SLC2A1: variants seen among roughly 807,000 people sequenced by gnomAD.
SLC2A1 encodes solute carrier family 2, facilitated glucose transporter member 1.
In SLC2A1, 4 loss-of-function variants were observed where a neutral mutation model predicts 46.6. The ratio of observed to expected loss-of-function variants is 0.09; its 90% CI spans 0.04 to 0.20. The LOEUF (loss-of-function observed/expected upper bound fraction) is 0.20. SLC2A1 is among the 10% of genes least tolerant of loss of function. The pLI is 1.00. For missense variants in SLC2A1, 352 were observed against 667.0 expected, an observed-to-expected ratio of 0.53 and a Z score of 5.20; for synonymous variants, 253 against 270.0, an observed-to-expected ratio of 0.94 and a Z score of 0.62.
In SLC2A1 at chr1:42,930,558, C is replaced by T. The variant is rs777256797; in HGVS notation, c.516+68G>A. 9 of 1,600,848 alleles carry T rather than the reference C, an allele frequency of 5.6e-6. No homozygotes were observed. The African/African-American group carries it at 8.0e-5, about 14-fold the overall frequency. ...AAGAGAAACTCTGCCCTGCTGGGCA[C>T]AGATCCGAGAGCCACTGAAGCTGTG... On this transcript the variant is annotated intron_variant, in intron 4 of 9. Transcript: ENST00000426263. The surrounding 1 kb of genome is among the most constrained non-coding windows in gnomAD (Gnocchi z 6.2).
rs762812051 is a variant in SLC2A1 at position 42,930,515 on chromosome 1, G to T, written c.516+111C>A. 7 of 1,444,896 alleles carry T rather than the reference G, an allele frequency of 4.8e-6. No homozygotes were observed. The African/African-American group carries it at 8.4e-5, about 17-fold the overall frequency. 89.5% of individuals were successfully genotyped at this position (1,444,896 alleles called of 1,614,324 possible). ...GTGTACCATAGTTGTCCTCTGCAAG[G>T]CTGTGGGGGCTGGGCGGAAGAGAAA... On this transcript the variant is annotated intron_variant, in intron 4 of 9. Transcript: ENST00000426263. The surrounding 1 kb of genome is among the most constrained non-coding windows in gnomAD (Gnocchi z 6.2).
At position 42,951,568 on chromosome 1, in the gene SLC2A1, G is replaced by A. The variant is rs148466253; in HGVS notation, c.18+7066C>T. ...TATTTATAGGCATGTATCTACACAT[G>A]CACAAAGAGAAGTCTTTAGGGTAAA... On this transcript the variant is annotated intron_variant, in intron 1 of 9. Coordinates refer to ENST00000426263, the MANE Select transcript of SLC2A1 (RefSeq NM_006516.4). 226 of 334,730 alleles carry A rather than the reference G, an allele frequency of 6.8e-4. 6 individuals carry two copies. The East Asian group carries it at 0.01, about 15-fold the overall frequency. 20.7% of individuals were successfully genotyped at this position (334,730 alleles called of 1,614,324 possible).
intron 2 of SLC2A1, among the ~76,000 whole-genome samples, chr1:42,931,614 T>C (rs115024349): frequency 0.013 from 1,941 of 151,632 alleles, 52 homozygotes; most frequent in African/African-American, 0.045. Flanking sequence ...TCACTGGAGA[T>C]CAGGAGTTCG....
chr1:42,954,220 A>G lies in SLC2A1; in HGVS notation c.18+4414T>C, dbSNP rs1643751495. Among the ~76,000 whole-genome samples, 1 of 39,396 alleles carries G rather than the reference A, an allele frequency of 2.5e-5. No homozygotes were observed. The highest frequency in any genetic ancestry group is 2.9e-4 in the African/African-American group (1 of 3,450). The allele number at this position is 39,396 out of a possible 152,430, so 25.8% of individuals were successfully genotyped here. On this transcript the variant is annotated intron_variant, in intron 1 of 9. Transcript: ENST00000426263. The surrounding 1 kb of genome is among the most constrained non-coding windows in gnomAD (Gnocchi z 4.2). The stretch of plus-strand genomic sequence containing the variant: ...GCATGTGGAGAAGAAAGCATCTTTA[A>G]AAAAAAAACACAGCTAGGCCAGGCG...
intron 1 of SLC2A1, chr1:42,951,598 A>T: frequency 5.4e-6 from 2 of 372,932 alleles, no homozygotes; most frequent in African/African-American, 2.1e-5. Flanking sequence ...GGTAAACACC[A>T]AACTGTCAAA....
In SLC2A1 at chr1:42,926,934, C is replaced by T. The variant is rs1643432524; in HGVS notation, c.*107G>A. 9.1e-6 allele frequency: 14 copies of T among 1,540,956 alleles called. No homozygotes were observed. The highest frequency in any genetic ancestry group is 2.3e-5 in the East Asian group (1 of 44,210). On this transcript the variant is annotated 3_prime_UTR_variant, in exon 10 of 10. Coordinates refer to ENST00000426263, the MANE Select transcript of SLC2A1 (RefSeq NM_006516.4). ...TGGCTGGAGAAAGGAGCCCCAGGCC[C>T]GGCTCGGCTGACATCTGTCAGGTTT...
chr1:42,958,207 G>C (rs1244455894), intron 1 of SLC2A1, among the ~76,000 whole-genome samples: 1 of 151,652 alleles, frequency 6.6e-6, no homozygotes, highest in Non-Finnish European at 1.5e-5. Flanking sequence ...GCCGGGCCGG[G>C]GGCTCGGCCC....
At chr1:42,946,709 C>T (rs148842200) in intron 1 of SLC2A1, among the ~76,000 whole-genome samples, 2,349 of 152,254 alleles carry the variant, frequency 0.015, 33 homozygotes, top group South Asian at 0.031. Flanking sequence ...TAAGAAACAG[C>T]GTGCTCAGTG....
At position 42,931,192 on chromosome 1, in the gene SLC2A1, G is replaced by A. The variant is rs2124450930; in HGVS notation, c.129C>T (p.Phe43=). 6.2e-7 allele frequency: 1 copy of A among 1,613,960 alleles called. No individual in the cohort carries two copies. The change falls in exon 3 of 10, where the codon TTC becomes TTT. Residue 43 remains phenylalanine (F), a synonymous_variant. Transcript: ENST00000426263. The part of the protein sequence containing the change: ...INAPQKVIEE[F]YNQTWVHRYG... Reference sequence around the variant, plus strand: ...AGCGGTGGACCCATGTCTGGTTGTAGAACTCCTCGATCACCTGCAGGGGGA... The same window carrying A: ...AGCGGTGGACCCATGTCTGGTTGTAAAACTCCTCGATCACCTGCAGGGGGA...
intron 1 of SLC2A1, among the ~76,000 whole-genome samples, chr1:42,946,743 G>GA (rs1643660604): frequency 6.6e-6 from 1 of 152,092 alleles, no homozygotes. Context: ...GGTGTAGGGG[G>GA]AGGGACATGG....
rs376446400 is a variant in SLC2A1 at position 42,930,995 on chromosome 1, G to A, written c.275+51C>T. The stretch of plus-strand genomic sequence containing the variant: ...TCCCACCCCATCTGGGACTCCCTGG[G>A]CAGGAGGGCATGGGCCCTCCAAGGG... On this transcript the variant is annotated intron_variant, in intron 3 of 9. Coordinates refer to ENST00000426263, the MANE Select transcript of SLC2A1 (RefSeq NM_006516.4). The surrounding 1 kb of genome is among the most constrained non-coding windows in gnomAD (Gnocchi z 6.2). The A allele has an allele frequency of 3.0e-5, 49 of 1,610,608 alleles. No homozygotes were observed. The African/African-American group carries it at 6.4e-4, about 21-fold the overall frequency.
At chr1:42,938,227 T>C (rs1475935978) in intron 2 of SLC2A1, among the ~76,000 whole-genome samples, 1 of 75,552 alleles carries the variant, frequency 1.3e-5, no homozygotes, top group African/African-American at 5.8e-5. Context: ...GGCTCACCTC[T>C]TCTGCTCTGT....
intron 1 of SLC2A1, among the ~76,000 whole-genome samples, chr1:42,958,392 C>T (rs1382079003): frequency 6.6e-6 from 1 of 150,756 alleles, no homozygotes; most frequent in East Asian, 1.9e-4. Context: ...GTGCTCAGTG[C>T]CGGCGCCAAC....
At chr1:42,950,384 CAGCATTCTCA>C (rs1481213477) in intron 1 of SLC2A1, among the ~76,000 whole-genome samples, 2 of 152,194 alleles carry the variant, frequency 1.3e-5, no homozygotes, top group African/African-American at 2.4e-5. Context: ...GCTAGCTGCC[CAGCATTCTCA>C]AAGCCTTCCA....
In SLC2A1 at chr1:42,954,103, G is replaced by A. The variant is rs1036500790; in HGVS notation, c.18+4531C>T. Among the ~76,000 whole-genome samples the A allele has an allele frequency of 7.9e-5, 12 of 152,216 alleles. No individual in the cohort carries two copies. The highest frequency in any genetic ancestry group is 2.6e-4 in the Admixed American group (4 of 15,288). ...AGTAGAGTTTCAGTTGTCAAGTTAC[G>A]TCTAATCCAACTTTCAGGCTCCTAT... On this transcript the variant is annotated intron_variant, in intron 1 of 9. Transcript: ENST00000426263. This position sits in a 1 kb window ranked among gnomAD's most constrained non-coding sequence, Gnocchi z 4.2.
intron 2 of SLC2A1, among the ~76,000 whole-genome samples, chr1:42,941,663 A>T (rs1372104290): frequency 6.6e-6 from 1 of 152,208 alleles, no homozygotes; most frequent in Non-Finnish European, 1.5e-5. Context: ...AGACCAATTA[A>T]ATCAGAATCT....
Position 42,926,593 on chromosome 1 carries a change from C to G in SLC2A1, c.*448G>C. The G allele has an allele frequency of 2.4e-6, 2 of 824,734 alleles. No homozygotes were observed. The highest frequency in any genetic ancestry group is 3.4e-6 in the Non-Finnish European group (2 of 594,430). The allele number at this position is 824,734 out of a possible 1,614,324, so 51.1% of individuals were successfully genotyped here. A position where few individuals can be genotyped will look rare whatever the true frequency, so the allele number is the denominator to read the frequency against. ...GGCCAGCAGAACGGGTGGCCATAGC[C>G]ACCTCCTGGGATAGAAGCTTTGTAG... On this transcript the variant is annotated 3_prime_UTR_variant, in exon 10 of 10. Coordinates refer to ENST00000426263, the MANE Select transcript of SLC2A1 (RefSeq NM_006516.4).
chr1:42,948,478 C>T (rs1455919099), intron 1 of SLC2A1, among the ~76,000 whole-genome samples: 1 of 152,180 alleles, frequency 6.6e-6, no homozygotes, highest in Non-Finnish European at 1.5e-5. Context: ...ACATGGGTTC[C>T]CCAGGTGCAG....
intron 1 of SLC2A1, among the ~76,000 whole-genome samples, chr1:42,946,831 C>T (rs564049964): frequency 2.6e-5 from 4 of 152,312 alleles, no homozygotes; most frequent in Admixed American, 6.5e-5. Flanking sequence ...CCACTATAGC[C>T]GGCTTGATCA....
Sources: gnomAD v4.1 joint callset for allele counts (sites outside exome capture counted in the v4.1 genomes callset) on GRCh38, gnomAD v4.1.1 for gene constraint, Gnocchi (gnomAD v3.1) non-coding constraint, MANE v1.5 for transcripts, NCBI Gene and HGNC (gene_info 2026-07-23, HGNC 2026-07-21) for gene names.